The following SORCS2 variants were observed in gnomAD, a reference collection of about 807,000 sequenced individuals.
SORCS2 encodes the protein sortilin related VPS10 domain containing receptor 2, also known as VPS10 domain-containing receptor SorCS2.
Under a neutral mutation model 141.6 loss-of-function variants are expected in SORCS2, and 100 were observed. That is an observed-to-expected ratio of 0.71 (90% CI 0.60 to 0.83). The LOEUF (loss-of-function observed/expected upper bound fraction) is 0.83, where lower values mean the gene tolerates loss of function less well. Among genes scored for constraint, SORCS2 ranks in the 40% least tolerant of loss-of-function variants. The probability of loss-of-function intolerance (pLI) is 0.00; values close to 1 mark genes in which losing one functional copy is unlikely to be tolerated. For missense variants in SORCS2, 1,646 were observed against 1,560.2 expected, an observed-to-expected ratio of 1.05 and a Z score of -0.93; for synonymous variants, 789 against 676.9, an observed-to-expected ratio of 1.17 and a Z score of -2.57.
chr4:7,509,902 G>A (rs1732511896), intron 2 of SORCS2, among the ~76,000 whole-genome samples: 1 of 152,200 alleles, frequency 6.6e-6, no homozygotes, highest in African/African-American at 2.4e-5. Flanking sequence ...AAGCTCCACA[G>A]GCAGCTGCTT....
intron 1 of SORCS2, among the ~76,000 whole-genome samples, chr4:7,254,467 G>T (rs958161416): frequency 6.6e-6 from 1 of 152,216 alleles, no homozygotes; most frequent in Non-Finnish European, 1.5e-5. Flanking sequence ...GTACTAAGAA[G>T]TGTGTGTCCA....
At chr4:7,710,387 G>A (rs748642114) in intron 14 of SORCS2, among the ~76,000 whole-genome samples, 21 of 152,062 alleles carry the variant, frequency 1.4e-4, no homozygotes, top group Non-Finnish European at 2.4e-4. Context: ...GCCTGGGCCC[G>A]GCCTGCAGTG....
chr4:7,608,938 C>A (rs780515601), intron 3 of SORCS2, among the ~76,000 whole-genome samples: 19 of 152,110 alleles, frequency 1.2e-4, no homozygotes, highest in Admixed American at 3.3e-4. Flanking sequence ...AGGCACTAGC[C>A]GAGCACTAGT....
At chr4:7,383,338 C>A (rs3905844) in intron 1 of SORCS2, among the ~76,000 whole-genome samples, 24,396 of 152,214 alleles carry the variant, frequency 0.16, 2,090 homozygotes, top group Admixed American at 0.22. Flanking sequence ...GTGCCCAAAT[C>A]TGGGTCTTTG....
In SORCS2 at chr4:7,734,314, T is replaced by C; in HGVS notation, c.3251T>C (p.Val1084Ala). 6.2e-7 allele frequency: 1 copy of C among 1,602,416 alleles called. No homozygotes were observed. Among genetic ancestry groups the C allele is most frequent in the South Asian group, 1.1e-5 (1 of 88,280 alleles). The change falls in exon 25 of 27, where the codon GTG becomes GCG. Residue 1084 changes from valine to alanine, a missense_variant. Physicochemically the swap from Val to Ala is moderately conservative, Grantham distance 64. Coordinates refer to ENST00000507866, the MANE Select transcript of SORCS2 (RefSeq NM_020777.3). ...GGCGGTGGCGGCTACTGGGCGGTAG[T>C]GGTGCTGTTTGTCATCGGGCTCTTC... Reference protein sequence around the residue: ...LGGGGGYWAVVVLFVIGLFAA... With the variant: ...LGGGGGYWAVAVLFVIGLFAA...
At chr4:7,705,839 C>T (rs940531547) in intron 14 of SORCS2, among the ~76,000 whole-genome samples, 36 of 152,270 alleles carry the variant, frequency 2.4e-4, no homozygotes, top group African/African-American at 7.7e-4. Flanking sequence ...AGTGCCTGAC[C>T]CCAGCCTCTA....
intron 2 of SORCS2, among the ~76,000 whole-genome samples, chr4:7,423,303 C>A (rs1054444302): frequency 9.2e-5 from 14 of 152,192 alleles, no homozygotes; most frequent in Non-Finnish European, 1.8e-4. Context: ...TTATCTGTGG[C>A]CTGTGTGTCT....
chr4:7,264,742 G>A (rs1240750755), intron 1 of SORCS2, among the ~76,000 whole-genome samples: 1 of 152,194 alleles, frequency 6.6e-6, no homozygotes, highest in African/African-American at 2.4e-5. Context: ...CCATGCCTGG[G>A]TCTGCTCTCT....
chr4:7,709,451 G>A (rs528099881), intron 14 of SORCS2, among the ~76,000 whole-genome samples: 37 of 152,350 alleles, frequency 2.4e-4, no homozygotes, highest in Non-Finnish European at 1.3e-4. Context: ...GATAATGGCC[G>A]AATTCACAGC....
At chr4:7,598,275 T>G (rs1458736488) in intron 3 of SORCS2, among the ~76,000 whole-genome samples, 4 of 152,072 alleles carry the variant, frequency 2.6e-5, no homozygotes, top group Non-Finnish European at 5.9e-5. Flanking sequence ...CCAGCTAAGC[T>G]TTTATGAAAC....
intron 1 of SORCS2, among the ~76,000 whole-genome samples, chr4:7,383,676 C>T (rs1723125704): frequency 6.6e-6 from 1 of 152,166 alleles, no homozygotes; most frequent in South Asian, 2.1e-4. Context: ...CATAAATAGA[C>T]CTGAGCAATG....
At chr4:7,451,076 G>A (rs946854286) in intron 2 of SORCS2, among the ~76,000 whole-genome samples, 3 of 152,136 alleles carry the variant, frequency 2.0e-5, no homozygotes, top group Non-Finnish European at 2.9e-5. Context: ...GGGAGAGTGA[G>A]TGAATGCATG....
chr4:7,559,199 C>T (rs1043417603), intron 3 of SORCS2, among the ~76,000 whole-genome samples: 3 of 152,322 alleles, frequency 2.0e-5, no homozygotes, highest in African/African-American at 7.2e-5. Flanking sequence ...TGCCCCCCTC[C>T]AAGAGGGCTG....
intron 1 of SORCS2, among the ~76,000 whole-genome samples, chr4:7,393,862 C>T (rs74644986): frequency 0.026 from 3,952 of 152,246 alleles, 168 homozygotes; most frequent in African/African-American, 0.091. Context: ...TTGAGGTCGA[C>T]GGTCTGCTAG....
chr4:7,602,524 C>T (rs921511360), intron 3 of SORCS2, among the ~76,000 whole-genome samples: 4 of 149,210 alleles, frequency 2.7e-5, no homozygotes, highest in African/African-American at 5.0e-5. Flanking sequence ...GATGGGCGGC[C>T]GGGCAGAGAC....
At chr4:7,521,120 T>C (rs1284352751) in intron 2 of SORCS2, among the ~76,000 whole-genome samples, 3 of 152,144 alleles carry the variant, frequency 2.0e-5, no homozygotes, top group Admixed American at 1.3e-4. Context: ...TCTGAAGTGA[T>C]AGTAAGGTCT....
intron 3 of SORCS2, among the ~76,000 whole-genome samples, chr4:7,573,886 C>T (rs1715560304): frequency 6.6e-6 from 1 of 152,208 alleles, no homozygotes. Flanking sequence ...CGCCCACTGC[C>T]TCCCTGGCCT....
intron 1 of SORCS2, among the ~76,000 whole-genome samples, chr4:7,380,115 C>A (rs938202380): frequency 6.6e-6 from 1 of 152,018 alleles, no homozygotes; most frequent in South Asian, 2.1e-4. Flanking sequence ...TCAGAAAGCC[C>A]GGAGATGGGT....
At chr4:7,581,816 T>A (rs1327359433) in intron 3 of SORCS2, among the ~76,000 whole-genome samples, 1 of 152,224 alleles carries the variant, frequency 6.6e-6, no homozygotes, top group African/African-American at 2.4e-5. Flanking sequence ...GCCCCAGTGC[T>A]TGCTCATTAG....
Sources: allele counts gnomAD v4.1 joint callset (sites outside exome capture counted in the v4.1 genomes callset), GRCh38; gene constraint gnomAD v4.1.1; transcripts MANE v1.5; gene names NCBI Gene and HGNC (gene_info 2026-07-23, HGNC 2026-07-21).